LINGO2: variants seen among roughly 807,000 people sequenced by gnomAD.
LINGO2 encodes leucine-rich repeat and immunoglobulin-like domain-containing nogo receptor-interacting protein 2.
LINGO2 carries 14 observed loss-of-function variants against 30.6 expected under a neutral mutation model. That is an observed-to-expected ratio of 0.46 (90% CI 0.30 to 0.72). The LOEUF (loss-of-function observed/expected upper bound fraction) is 0.72, where lower values mean the gene tolerates loss of function less well. Among genes scored for constraint, LINGO2 ranks in the 30% least tolerant of loss-of-function variants. LINGO2 has a pLI of 0.07. For synonymous variants in LINGO2, 317 were observed against 288.5 expected, an observed-to-expected ratio of 1.10 and a Z score of -1.00; for missense variants, 729 against 751.7, an observed-to-expected ratio of 0.97 and a Z score of 0.35.
intron 1 of LINGO2, among the ~76,000 whole-genome samples, chr9:28,537,826 A>G (rs773430622): frequency 6.6e-6 from 1 of 151,982 alleles, no homozygotes; most frequent in Non-Finnish European, 1.5e-5. Flanking sequence ...ATAATTGAAG[A>G]AAGATTGAGT....
intron 4 of LINGO2, among the ~76,000 whole-genome samples, chr9:28,288,196 G>C (rs1328872148): frequency 6.6e-6 from 1 of 152,128 alleles, no homozygotes; most frequent in East Asian, 1.9e-4. Flanking sequence ...AAACACTACA[G>C]TCTAGCCACT....
At position 28,036,839 on chromosome 9, in the gene LINGO2, A is replaced by G. The variant is rs553541552; in HGVS notation, c.-86-24434T>C. On this transcript the variant is annotated intron_variant, in intron 4 of 5. Transcript: ENST00000379992. ...AAATTCAAAAGAAGCAGGAGAAGCC[A>G]GACTATTTCTAGACACAGAAAATAT... 2.6e-5 allele frequency among the ~76,000 whole-genome samples: 4 copies of G among 152,390 alleles called. No individual in the cohort carries two copies. In the South Asian group the frequency reaches 8.3e-4, roughly 32 times the overall value.
chr9:29,202,092 C>A, the LINGO2 span, among the ~76,000 whole-genome samples: 21 of 151,858 alleles, frequency 1.4e-4, no homozygotes, highest in African/African-American at 4.8e-4. Flanking sequence ...GAACTAGGTC[C>A]AAAGATATTT....
intron 2 of LINGO2, among the ~76,000 whole-genome samples, chr9:28,399,980 T>C (rs1425928206): frequency 1.3e-5 from 2 of 152,180 alleles, no homozygotes; most frequent in African/African-American, 2.4e-5. Flanking sequence ...TTAAAACGAA[T>C]GGTCTATGGT....
intron 4 of LINGO2, among the ~76,000 whole-genome samples, chr9:28,208,759 G>A (rs756283196): frequency 6.6e-6 from 1 of 151,856 alleles, no homozygotes; most frequent in Non-Finnish European, 1.5e-5. Flanking sequence ...GTACTCATAG[G>A]CATATAATGT....
chr9:28,903,216 AAGAATCATAAG>A, the LINGO2 span, among the ~76,000 whole-genome samples: 1 of 152,136 alleles, frequency 6.6e-6, no homozygotes, highest in East Asian at 1.9e-4. Flanking sequence ...TAGAAATACA[AAGAATCATAAG>A]AGACTAATAG....
chr9:28,346,560 A>G (rs1036892002), intron 3 of LINGO2, among the ~76,000 whole-genome samples: 3 of 152,162 alleles, frequency 2.0e-5, no homozygotes, highest in African/African-American at 7.2e-5. Context: ...ATCCAGTAAT[A>G]AGATTGCTGG....
chr9:28,650,329 G>A (rs1006971052), intron 1 of LINGO2, among the ~76,000 whole-genome samples: 2 of 152,092 alleles, frequency 1.3e-5, no homozygotes, highest in African/African-American at 4.8e-5. Context: ...ATCATTCAGA[G>A]AGCTCAGCCA....
At chr9:28,346,556 T>G (rs1346979930) in intron 3 of LINGO2, among the ~76,000 whole-genome samples, 2 of 152,308 alleles carry the variant, frequency 1.3e-5, no homozygotes, top group Non-Finnish European at 2.9e-5. Flanking sequence ...ACATATCCAG[T>G]AATAAGATTG....
At chr9:29,104,828 G>A in the LINGO2 span, among the ~76,000 whole-genome samples, 1 of 151,968 alleles carries the variant, frequency 6.6e-6, no homozygotes, top group Non-Finnish European at 1.5e-5. Context: ...ATCTTATGAA[G>A]GTCAAATTTC....
chr9:28,325,155 T>G (rs1051898568), intron 3 of LINGO2, among the ~76,000 whole-genome samples: 10 of 150,560 alleles, frequency 6.6e-5, no homozygotes, highest in African/African-American at 2.4e-4. Flanking sequence ...TGACTAAACT[T>G]TAGACAGGTT....
At chr9:28,769,818 G>T in the LINGO2 span, among the ~76,000 whole-genome samples, 3 of 151,150 alleles carry the variant, frequency 2.0e-5, no homozygotes, top group Non-Finnish European at 2.9e-5. Context: ...TTTCCTAAAA[G>T]GATGTTATTC....
At chr9:29,025,884 A>G in the LINGO2 span, among the ~76,000 whole-genome samples, 1 of 152,088 alleles carries the variant, frequency 6.6e-6, no homozygotes. Flanking sequence ...GAGAGGCATC[A>G]TGTGGTATTT....
chr9:28,117,265 C>T (rs577281328), intron 4 of LINGO2, among the ~76,000 whole-genome samples: 2 of 151,396 alleles, frequency 1.3e-5, no homozygotes, highest in Non-Finnish European at 1.5e-5. Context: ...GCAGTCTGCC[C>T]GTTCTCAGAT....
intron 1 of LINGO2, among the ~76,000 whole-genome samples, chr9:28,628,176 G>A (rs1826770591): frequency 6.6e-6 from 1 of 152,082 alleles, no homozygotes; most frequent in Non-Finnish European, 1.5e-5. Context: ...GCAGATTTCA[G>A]TACAATTCAC....
the LINGO2 span, among the ~76,000 whole-genome samples, chr9:29,132,378 G>A: frequency 1.3e-5 from 2 of 152,062 alleles, no homozygotes; most frequent in Non-Finnish European, 2.9e-5. Context: ...AATGGAAAGT[G>A]CCTCTGATTG....
At chr9:29,160,916 T>C in the LINGO2 span, among the ~76,000 whole-genome samples, 1,325 of 152,350 alleles carry the variant, frequency 8.7e-3, 28 homozygotes, top group African/African-American at 0.03. Flanking sequence ...CACTAGTCTC[T>C]GAGCCACTAT....
At chr9:28,848,847 T>C in the LINGO2 span, among the ~76,000 whole-genome samples, 1 of 151,862 alleles carries the variant, frequency 6.6e-6, no homozygotes, top group East Asian at 1.9e-4. Flanking sequence ...CTTCCCTCCT[T>C]CTATGATGTG....
chr9:28,677,850 C>A, the LINGO2 span, among the ~76,000 whole-genome samples: 45 of 152,098 alleles, frequency 3.0e-4, no homozygotes, highest in Admixed American at 9.8e-4. Flanking sequence ...GGCAGTAACA[C>A]CATAAACCAG....
Sources: allele counts gnomAD v4.1 joint callset (sites outside exome capture counted in the v4.1 genomes callset), GRCh38; gene constraint gnomAD v4.1.1; transcripts MANE v1.5; gene names NCBI Gene and HGNC (gene_info 2026-07-23, HGNC 2026-07-21).